SNX24: variants seen among roughly 807,000 people sequenced by gnomAD.
The protein encoded by SNX24 is sorting nexin 24.
A neutral mutation model predicts 28.7 loss-of-function variants in SNX24; 22 were observed. The observed-to-expected ratio is 0.77, with a 90% CI of 0.55 to 1.10. The LOEUF (loss-of-function observed/expected upper bound fraction) is 1.10. SNX24 is among the 50% of genes least tolerant of loss of function. The pLI is 0.00. For synonymous variants in SNX24, 69 were observed against 71.5 expected (o/e 0.96, Z 0.18); for missense variants, 221 against 201.1 (o/e 1.10, Z -0.60).
intron 1 of SNX24, among the ~76,000 whole-genome samples, chr5:122,924,575 T>G (rs1361146412): frequency 6.6e-6 from 1 of 152,180 alleles, no homozygotes; most frequent in East Asian, 1.9e-4. Context: ...TTTCATATTT[T>G]CAGACCATAC....
chr5:122,944,611 G>A (rs1355684240), intron 2 of SNX24, among the ~76,000 whole-genome samples: 1 of 152,118 alleles, frequency 6.6e-6, no homozygotes, highest in Non-Finnish European at 1.5e-5. Context: ...GTGCTGGTGT[G>A]GCAGTTTCAT....
At chr5:123,016,145 ATTGGCTG>A (rs1291704322) in intron 5 of SNX24, among the ~76,000 whole-genome samples, 1 of 152,212 alleles carries the variant, frequency 6.6e-6, no homozygotes, top group East Asian at 1.9e-4. Context: ...ATAATGTGAT[ATTGGCTG>A]GATAAATACT....
intron 1 of SNX24, chr5:122,891,153 T>C (rs71594313): frequency 0.035 from 49,801 of 1,437,254 alleles, 963 homozygotes; most frequent in Non-Finnish European, 0.04. Flanking sequence ...AAACTTTACC[T>C]AGTGTTTTTT....
In SNX24 at chr5:123,008,290, C is replaced by A. The variant is rs1419482290; in HGVS notation, c.*541C>A. 5.8e-5 allele frequency: 57 copies of A among 983,948 alleles called. No individual in the cohort carries two copies. Among genetic ancestry groups the A allele is most frequent in the Non-Finnish European group, 6.6e-5 (55 of 828,698 alleles). 61.0% of individuals were successfully genotyped at this position (983,948 alleles called of 1,614,324 possible). A position where few individuals can be genotyped will look rare whatever the true frequency, so the allele number is the denominator to read the frequency against. On this transcript the variant is annotated 3_prime_UTR_variant, in exon 7 of 7. Transcript: ENST00000261369. ...GAACTAAACTGGAAATTAAATTATA[C>A]TGACAATATTATGGCATTTTTAAGA...
At chr5:122,968,956 T>C (rs1375565845) in intron 3 of SNX24, among the ~76,000 whole-genome samples, 1 of 152,134 alleles carries the variant, frequency 6.6e-6, no homozygotes. Flanking sequence ...GCTAAATATG[T>C]TAAATATAAA....
At chr5:123,012,345 T>C (rs1762600593), downstream of SNX24, among the ~76,000 whole-genome samples, 1 of 152,146 alleles carries the variant, frequency 6.6e-6, no homozygotes, top group African/African-American at 2.4e-5. Context: ...AAAAAGGAAA[T>C]TCTGACACAT....
intron 1 of SNX24, among the ~76,000 whole-genome samples, chr5:122,854,396 T>C (rs1755074662): frequency 6.6e-6 from 1 of 151,632 alleles, no homozygotes; most frequent in Non-Finnish European, 1.5e-5. Context: ...TAGTCCCAGC[T>C]ACTTGGGAGG....
At chr5:122,967,841 A>G (rs1581809834) in intron 3 of SNX24, among the ~76,000 whole-genome samples, 1 of 152,198 alleles carries the variant, frequency 6.6e-6, no homozygotes, top group South Asian at 2.1e-4. Flanking sequence ...AGATTAAACC[A>G]CGAGCTCACG....
chr5:122,940,574 T>C (rs753766164), intron 2 of SNX24, among the ~76,000 whole-genome samples: 1 of 152,108 alleles, frequency 6.6e-6, no homozygotes, highest in Non-Finnish European at 1.5e-5. Flanking sequence ...TTAAAATTTA[T>C]GTATTATTAT....
intron 1 of SNX24, among the ~76,000 whole-genome samples, chr5:122,892,370 G>T (rs189277571): frequency 6.6e-6 from 1 of 151,876 alleles, no homozygotes; most frequent in East Asian, 1.9e-4. Context: ...GCCTGAATAA[G>T]GTATTACATT....
chr5:123,019,570 T>C lies in SNX24; in HGVS notation n.384-9668T>C, dbSNP rs376379078. Among the ~76,000 whole-genome samples the C allele has an allele frequency of 4.6e-5, 7 of 152,350 alleles. No homozygotes were observed. In the South Asian group the frequency reaches 1.2e-3, roughly 27 times the overall value. On this transcript the variant is annotated intron_variant and non_coding_transcript_variant, in intron 5 of 5. Coordinates refer to the SNX24 transcript ENST00000502387. ...GACCCAAAAGTAAATTTTACTGAACTCTTATTTGATGATCCAGAAAACTGC... is the reference window on the plus strand; with the variant it reads ...GACCCAAAAGTAAATTTTACTGAACCCTTATTTGATGATCCAGAAAACTGC...
At chr5:122,854,115 T>A (rs775057698) in intron 1 of SNX24, among the ~76,000 whole-genome samples, 1 of 152,054 alleles carries the variant, frequency 6.6e-6, no homozygotes, top group Non-Finnish European at 1.5e-5. Context: ...TATGAGGCTG[T>A]CCCCAGCACT....
chr5:122,996,116 C>T (rs1052186191), intron 3 of SNX24, among the ~76,000 whole-genome samples: 3 of 152,134 alleles, frequency 2.0e-5, no homozygotes, highest in Non-Finnish European at 4.4e-5. Context: ...AGAAAGAATC[C>T]TTTACCACAG....
intron 1 of SNX24, among the ~76,000 whole-genome samples, chr5:122,899,914 G>A (rs1757359886): frequency 6.6e-6 from 1 of 152,180 alleles, no homozygotes. Flanking sequence ...AAGGACTTTA[G>A]TAGAACCCAT....
chr5:122,925,013 C>G (rs1444718774), intron 1 of SNX24, among the ~76,000 whole-genome samples: 1 of 147,962 alleles, frequency 6.8e-6, no homozygotes, highest in African/African-American at 2.5e-5. Context: ...TTCGTCTTCC[C>G]CTCCCCTTCT....
At position 122,913,882 on chromosome 5, in the gene SNX24, C is replaced by T. The variant is rs538642315; in HGVS notation, c.61-22852C>T. 5.0e-4 allele frequency among the ~76,000 whole-genome samples: 76 copies of T among 152,290 alleles called. 2 individuals carry two copies. The highest frequency in any genetic ancestry group is 1.0e-3 in the Non-Finnish European group (70 of 68,020). On this transcript the variant is annotated intron_variant, in intron 1 of 6. Transcript: ENST00000261369. ...TGGCACCTTGGGAGGCCGAGGCTGGCGGATCACTCGCGGTTAGGAGCTGGA... is the reference window on the plus strand; with the variant it reads ...TGGCACCTTGGGAGGCCGAGGCTGGTGGATCACTCGCGGTTAGGAGCTGGA...
intron 2 of SNX24, among the ~76,000 whole-genome samples, chr5:122,940,246 T>C (rs995212893): frequency 1.3e-5 from 2 of 152,052 alleles, no homozygotes; most frequent in African/African-American, 4.8e-5. Flanking sequence ...CACCCACCTC[T>C]GCCTCCCAAA....
chr5:123,000,359 G>A (rs1159486434), intron 4 of SNX24, among the ~76,000 whole-genome samples: 2 of 152,234 alleles, frequency 1.3e-5, no homozygotes, highest in Non-Finnish European at 2.9e-5. Context: ...TCATATCCTG[G>A]TGGTACACAT....
chr5:122,995,048 T>A (rs1762003775), intron 3 of SNX24, among the ~76,000 whole-genome samples: 1 of 152,202 alleles, frequency 6.6e-6, no homozygotes, highest in South Asian at 2.1e-4. Context: ...AATGACAGAT[T>A]GGATGGAAAT....
Sources: allele counts gnomAD v4.1 joint callset (sites outside exome capture counted in the v4.1 genomes callset), GRCh38; gene constraint gnomAD v4.1.1; transcripts MANE v1.5; gene names NCBI Gene and HGNC (gene_info 2026-07-23, HGNC 2026-07-21).